B3GALT1: variants seen among roughly 807,000 people sequenced by gnomAD.
B3GALT1 encodes UDP-Gal:betaGlcNAc beta 1,3-galactosyltransferase, polypeptide 1.
Under a neutral mutation model 23.2 loss-of-function variants are expected in B3GALT1, and 10 were observed. That is an observed-to-expected ratio of 0.43 (90% confidence interval 0.27 to 0.73). The LOEUF (loss-of-function observed/expected upper bound fraction) is 0.73. Ranked by LOEUF, B3GALT1 falls within the 30% of genes least tolerant of loss-of-function variation. The pLI, the probability that B3GALT1 is intolerant of heterozygous loss-of-function variation, is 0.21. For missense variants in B3GALT1, 299 were observed against 405.4 expected (o/e 0.74, Z 2.25); for synonymous variants, 156 against 141.5 (o/e 1.10, Z -0.73).
intron 4 of B3GALT1, among the ~76,000 whole-genome samples, chr2:167,848,579 A>G (rs1040526740): frequency 3.3e-5 from 5 of 152,164 alleles, no homozygotes; most frequent in East Asian, 1.9e-4. Context: ...AAATCAGCAT[A>G]TAAGGGACAT....
chr2:167,383,239 G>A (rs570511641), intron 1 of B3GALT1, among the ~76,000 whole-genome samples: 9 of 151,136 alleles, frequency 6.0e-5, no homozygotes, highest in Non-Finnish European at 1.0e-4. Flanking sequence ...TCTTTACCAA[G>A]GTTTGCCACC....
rs904476817 is a variant in B3GALT1 at position 167,728,343 on chromosome 2, C to T, written c.-352+81377C>T. 8.5e-5 allele frequency among the ~76,000 whole-genome samples: 13 copies of T among 152,080 alleles called. 1 individual carries two copies. The highest frequency in any genetic ancestry group is 7.2e-4 in the Admixed American group (11 of 15,270). ...TGAAGGTTGCAGTGAGGTGAGATCA[C>T]GCCACTGCACTCCAGCCTGGGTGAC... is the stretch of plus-strand genomic sequence containing the variant. On this transcript the variant is annotated intron_variant, in intron 3 of 4. Coordinates refer to ENST00000392690, the MANE Select transcript of B3GALT1 (RefSeq NM_020981.4).
intron 3 of B3GALT1, among the ~76,000 whole-genome samples, chr2:167,716,730 C>A (rs1313050354): frequency 6.6e-6 from 1 of 152,100 alleles, no homozygotes; most frequent in Non-Finnish European, 1.5e-5. Flanking sequence ...TGTATCAATT[C>A]TTGTTTCTCT....
chr2:167,502,220 A>G (rs1699858132), intron 2 of B3GALT1, among the ~76,000 whole-genome samples: 2 of 152,182 alleles, frequency 1.3e-5, no homozygotes, highest in African/African-American at 4.8e-5. Flanking sequence ...GAAAAGAACA[A>G]GGTAAGATGA....
intron 1 of B3GALT1, among the ~76,000 whole-genome samples, chr2:167,414,157 G>A (rs1380167584): frequency 6.6e-6 from 1 of 152,106 alleles, no homozygotes; most frequent in Non-Finnish European, 1.5e-5. Flanking sequence ...GTAAACCTGT[G>A]TATTTTTTAT....
At chr2:167,373,178 AAAG>A (rs1255155339) in intron 1 of B3GALT1, among the ~76,000 whole-genome samples, 1 of 152,132 alleles carries the variant, frequency 6.6e-6, no homozygotes, top group Non-Finnish European at 1.5e-5. Context: ...TATGAGAAAA[AAAG>A]AATCCCACCT....
At chr2:167,512,497 A>G (rs1700021428) in intron 2 of B3GALT1, among the ~76,000 whole-genome samples, 1 of 146,328 alleles carries the variant, frequency 6.8e-6, no homozygotes, top group South Asian at 2.1e-4. Context: ...TTTTGTATTT[A>G]TATTATACAT....
intron 1 of B3GALT1, among the ~76,000 whole-genome samples, chr2:167,407,043 A>AT (rs1698291780): frequency 6.6e-6 from 1 of 152,094 alleles, no homozygotes. Context: ...AATACATGTT[A>AT]TTTTCATTAG....
intron 4 of B3GALT1, among the ~76,000 whole-genome samples, chr2:167,834,168 G>A (rs1190856602): frequency 6.6e-6 from 1 of 152,130 alleles, no homozygotes; most frequent in African/African-American, 2.4e-5. Context: ...TGGTATTCCT[G>A]TGGGTCATCA....
intron 1 of B3GALT1, among the ~76,000 whole-genome samples, chr2:167,365,429 A>G (rs1178053588): frequency 1.3e-5 from 2 of 152,202 alleles, no homozygotes. Flanking sequence ...GGATCAGAGA[A>G]ATTGGCTCTA....
intron 3 of B3GALT1, among the ~76,000 whole-genome samples, chr2:167,668,607 G>A (rs551747675): frequency 2.0e-4 from 30 of 152,254 alleles, no homozygotes; most frequent in African/African-American, 5.1e-4. Flanking sequence ...GCGAGACTCC[G>A]TGGGCTTAGG....
intron 2 of B3GALT1, among the ~76,000 whole-genome samples, chr2:167,622,351 G>C (rs1378662141): frequency 1.3e-5 from 2 of 152,060 alleles, no homozygotes; most frequent in Admixed American, 1.3e-4. Context: ...CTCTGAATGT[G>C]GGGTTAAGTG....
intron 1 of B3GALT1, among the ~76,000 whole-genome samples, chr2:167,443,587 ATCCCTTGTAAGTTGGAT>A (rs1698931618): frequency 6.6e-6 from 1 of 152,142 alleles, no homozygotes; most frequent in Admixed American, 6.6e-5. Context: ...GATCCTTCAC[ATCCCTTGTAAGTTGGAT>A]TCCTAGGTAT....
intron 1 of B3GALT1, among the ~76,000 whole-genome samples, chr2:167,390,952 T>A (rs1698008338): frequency 6.6e-6 from 1 of 152,234 alleles, no homozygotes. Flanking sequence ...ACCATCATTC[T>A]CATTTTAAAT....
intron 1 of B3GALT1, among the ~76,000 whole-genome samples, chr2:167,403,814 A>C (rs1698232347): frequency 6.6e-6 from 1 of 152,156 alleles, no homozygotes; most frequent in Admixed American, 6.6e-5. Context: ...AGGGAAGGGA[A>C]GGAAAAGGGA....
intron 2 of B3GALT1, among the ~76,000 whole-genome samples, chr2:167,555,669 A>G (rs997766380): frequency 5.3e-5 from 8 of 152,174 alleles, no homozygotes; most frequent in African/African-American, 1.4e-4. Context: ...TGCCAAATCT[A>G]TGTTAGGAGT....
At chr2:167,607,970 A>T (rs573622055) in intron 2 of B3GALT1, among the ~76,000 whole-genome samples, 1 of 152,292 alleles carries the variant, frequency 6.6e-6, no homozygotes, top group Admixed American at 6.5e-5. Context: ...TTATACTGTG[A>T]CATTAAATCT....
intron 3 of B3GALT1, among the ~76,000 whole-genome samples, chr2:167,736,923 C>T (rs140487606): frequency 6.6e-6 from 1 of 151,894 alleles, no homozygotes; most frequent in East Asian, 1.9e-4. Flanking sequence ...TGGAGTGAGA[C>T]TCTGTCCCCC....
chr2:167,664,176 A>G (rs1176451347), intron 3 of B3GALT1, among the ~76,000 whole-genome samples: 1 of 149,934 alleles, frequency 6.7e-6, no homozygotes, highest in Non-Finnish European at 1.5e-5. Flanking sequence ...AGCTTTCTAC[A>G]TATGGCTAGC....
Sources: gnomAD v4.1 joint callset for allele counts (sites outside exome capture counted in the v4.1 genomes callset) on GRCh38, gnomAD v4.1.1 for gene constraint, MANE v1.5 for transcripts, NCBI Gene and HGNC (gene_info 2026-07-23, HGNC 2026-07-21) for gene names.